Variants in MECOM observed in about 807,000 individuals in gnomAD.
MECOM encodes the protein MDS1 and EVI1 complex locus.
In MECOM, 13 loss-of-function variants were observed where a neutral mutation model predicts 116.3. The observed-to-expected ratio is 0.11, with a 90% CI of 0.07 to 0.18. The LOEUF (loss-of-function observed/expected upper bound fraction) is 0.18, where lower values mean the gene tolerates loss of function less well. MECOM is among the 10% of genes least tolerant of loss of function. The pLI is 1.00. For missense variants in MECOM, 1,299 were observed against 1,509.0 expected, an observed-to-expected ratio of 0.86 and a Z score of 2.31; for synonymous variants, 528 against 535.2, an observed-to-expected ratio of 0.99 and a Z score of 0.19.
Position 169,478,402 on chromosome 3 carries a change from A to AGCCT in MECOM, c.38-96882_38-96879dup, listed in dbSNP as rs573185909. ...TGTTTTACAGCCACCTAGAGTAACC[A>AGCCT]GCCTATCTCCACTTTTCCCATTACT... On this transcript the variant is annotated intron_variant, in intron 1 of 16. Coordinates refer to ENST00000651503, the MANE Select transcript of MECOM (RefSeq NM_004991.4). 5.6e-4 allele frequency among the ~76,000 whole-genome samples: 86 copies of AGCCT among 152,306 alleles called. No individual in the cohort carries two copies. In the South Asian group the frequency reaches 0.017, roughly 30 times the overall value.
chr3:169,540,632 A>G lies in MECOM; in HGVS notation c.37+122704T>C, dbSNP rs142410692. On this transcript the variant is annotated intron_variant, in intron 1 of 16. Transcript: ENST00000651503. ...TTCTTTTCACAAGTATTCACTGATC[A>G]CCTACTATGTAGATGGAGCAGAAAA... Among the ~76,000 whole-genome samples the G allele has an allele frequency of 6.6e-3, 999 of 152,034 alleles. 14 individuals are homozygous for G. The highest frequency in any genetic ancestry group is 0.023 in the African/African-American group (954 of 41,466).
chr3:169,416,847 G>A (rs1000299029), intron 1 of MECOM, among the ~76,000 whole-genome samples: 2 of 152,118 alleles, frequency 1.3e-5, no homozygotes, highest in African/African-American at 2.4e-5. Context: ...ACAAAAACAA[G>A]CAATGGGGAA....
At chr3:169,626,255 G>C (rs1419353236) in intron 1 of MECOM, among the ~76,000 whole-genome samples, 3 of 152,176 alleles carry the variant, frequency 2.0e-5, no homozygotes, top group African/African-American at 7.2e-5. Flanking sequence ...TCTCTACTTT[G>C]ATTGACAATT....
intron 16 of MECOM, 105 bp downstream of exon 16, chr3:169,088,895 T>C: frequency 9.5e-7 from 1 of 1,055,164 alleles, no homozygotes; most frequent in Non-Finnish European, 1.3e-6. Context: ...CCCATTTGGA[T>C]TCTAAAATAT....
chr3:169,248,743 A>G (rs1469539037), intron 2 of MECOM, among the ~76,000 whole-genome samples: 1 of 152,176 alleles, frequency 6.6e-6, no homozygotes, highest in Non-Finnish European at 1.5e-5. Flanking sequence ...AAATGTTGGA[A>G]ACACAAAGAG....
intron 2 of MECOM, among the ~76,000 whole-genome samples, chr3:169,179,618 C>G (rs879590798): frequency 1.3e-5 from 2 of 152,100 alleles, no homozygotes; most frequent in African/African-American, 4.8e-5. Context: ...CAATATCATG[C>G]CACTAAAAGT....
At chr3:169,438,896 G>A (rs895434041) in intron 1 of MECOM, among the ~76,000 whole-genome samples, 1 of 151,954 alleles carries the variant, frequency 6.6e-6, no homozygotes, top group African/African-American at 2.4e-5. Flanking sequence ...GTGAATCTAG[G>A]TTGGGTGCTG....
intron 1 of MECOM, among the ~76,000 whole-genome samples, chr3:169,616,804 G>A (rs1770069202): frequency 6.6e-6 from 1 of 152,194 alleles, no homozygotes; most frequent in South Asian, 2.1e-4. Flanking sequence ...AAGAGGAAGG[G>A]AAATTCTGAT....
At chr3:169,602,318 C>T (rs1362985806) in intron 1 of MECOM, among the ~76,000 whole-genome samples, 2 of 152,136 alleles carry the variant, frequency 1.3e-5, no homozygotes, top group African/African-American at 4.8e-5. Context: ...GCCTTAACCA[C>T]CTAAATCTAA....
chr3:169,201,269 G>C (rs1749117161), intron 2 of MECOM, among the ~76,000 whole-genome samples: 2 of 151,994 alleles, frequency 1.3e-5, no homozygotes, highest in Admixed American at 6.6e-5. Context: ...GTGTGTGTGT[G>C]TGTGTGTGTG....
At chr3:169,359,306 T>G (rs1428750931) in intron 2 of MECOM, among the ~76,000 whole-genome samples, 1 of 151,782 alleles carries the variant, frequency 6.6e-6, no homozygotes, top group Non-Finnish European at 1.5e-5. Flanking sequence ...TTTACAACTG[T>G]ATCTTAGATT....
At chr3:169,483,776 A>C (rs1578229868) in intron 1 of MECOM, 18 of 1,610,892 alleles carry the variant, frequency 1.1e-5, no homozygotes, top group Non-Finnish European at 1.5e-5. Context: ...CACGTAGATT[A>C]TTCTTCTTCA....
chr3:169,579,817 A>C (rs1764910271), intron 1 of MECOM, among the ~76,000 whole-genome samples: 1 of 152,206 alleles, frequency 6.6e-6, no homozygotes, highest in South Asian at 2.1e-4. Flanking sequence ...CTGATCTGCC[A>C]ACAGCAGCCT....
intron 1 of MECOM, among the ~76,000 whole-genome samples, chr3:169,432,507 T>C (rs1020277807): frequency 2.6e-5 from 4 of 152,276 alleles, no homozygotes; most frequent in African/African-American, 7.2e-5. Context: ...CAAAGACTTA[T>C]GAAACAGTAA....
intron 1 of MECOM, among the ~76,000 whole-genome samples, chr3:169,635,982 AC>A (rs1360565811): frequency 2.6e-5 from 4 of 152,204 alleles, no homozygotes; most frequent in Non-Finnish European, 4.4e-5. Context: ...CTTGCAGATC[AC>A]CAGGCAGAGC....
intron 2 of MECOM, among the ~76,000 whole-genome samples, chr3:169,296,915 AC>A (rs1048590157): frequency 3.9e-5 from 6 of 152,206 alleles, no homozygotes; most frequent in African/African-American, 1.4e-4. Context: ...GCTTAGAAAA[AC>A]AAAACTCATT....
chr3:169,456,237 G>A (rs369808504), intron 1 of MECOM, among the ~76,000 whole-genome samples: 5 of 152,202 alleles, frequency 3.3e-5, no homozygotes, highest in Admixed American at 6.5e-5. Context: ...CCTGGGTCCT[G>A]CTCTTGCTTT....
intron 1 of MECOM, among the ~76,000 whole-genome samples, chr3:169,623,743 AC>A (rs1771024134): frequency 6.6e-6 from 1 of 152,106 alleles, no homozygotes; most frequent in Admixed American, 6.6e-5. Flanking sequence ...TCATCTAGGA[AC>A]AAAAAAACAA....
chr3:169,140,298 C>T (rs974804682), intron 3 of MECOM, among the ~76,000 whole-genome samples: 2 of 151,938 alleles, frequency 1.3e-5, no homozygotes, highest in Non-Finnish European at 2.9e-5. Flanking sequence ...ACCTATGTAG[C>T]ATTGTAGAGA....
Sources: allele counts gnomAD v4.1 joint callset (sites outside exome capture counted in the v4.1 genomes callset), GRCh38; gene constraint gnomAD v4.1.1; transcripts MANE v1.5; gene names NCBI Gene and HGNC (gene_info 2026-07-23, HGNC 2026-07-21).